LRRK1: variants seen among roughly 807,000 people sequenced by gnomAD.
LRRK1 encodes leucine-rich repeat serine/threonine-protein kinase 1.
Under a neutral mutation model 209.1 loss-of-function variants are expected in LRRK1, and 113 were observed. The observed-to-expected ratio is 0.54, with a 90% confidence interval of 0.46 to 0.63. The LOEUF (loss-of-function observed/expected upper bound fraction) is 0.63. Ranked by LOEUF, LRRK1 falls within the 30% of genes least tolerant of loss-of-function variation. LRRK1 has a pLI of 0.00. For missense variants in LRRK1, 2,284 were observed against 2,632.2 expected (o/e 0.87, Z 2.89); for synonymous variants, 1,144 against 1,099.7 (o/e 1.04, Z -0.80).
chr15:100,988,724 C>T lies in LRRK1; in HGVS notation c.524C>T (p.Thr175Met), dbSNP rs202112893. The stretch of plus-strand genomic sequence containing the variant: ...GGGGTTGTGAAGCTCCTGGTCCTGA[C>T]GCACGGGGCTGACCCGGAGAGCTAC... ...HLGVVKLLVLTHGADPESYAV... is the reference protein window; with the variant it reads ...HLGVVKLLVLMHGADPESYAV... The change falls in exon 5 of 34, where the codon ACG (threonine) becomes ATG (methionine). Residue 175 changes from threonine to methionine, a missense_variant. This residue lies in a region of LRRK1 where 134 missense variants were observed against 191.7 expected (regional missense o/e 0.70). Transcript: ENST00000388948. The T allele has an allele frequency of 9.7e-5, 157 of 1,614,164 alleles. 1 individual carries two copies. Among genetic ancestry groups the T allele is most frequent in the Middle Eastern group, 3.3e-4 (2 of 6,060 alleles).
rs1555479973 is a variant in LRRK1 at position 101,058,617 on chromosome 15, CG to C, written c.4679+485del. On this transcript the variant is annotated intron_variant, in intron 29 of 33. Transcript: ENST00000388948. ...CTGCCCCAGATTGCAGAAGGGGCAACGGGGGGGGGCGTCTAAACAGAGTTGG... is the reference window on the plus strand; with the variant it reads ...CTGCCCCAGATTGCAGAAGGGGCAACGGGGGGGGCGTCTAAACAGAGTTGG... Among the ~76,000 whole-genome samples, 504 of 75,340 alleles carry C rather than the reference CG, an allele frequency of 6.7e-3. 109 individuals are homozygous for C. Among genetic ancestry groups the C allele is most frequent in the Middle Eastern group, 0.045 (5 of 110 alleles). The allele number at this position is 75,340 out of a possible 152,430, so 49.4% of individuals were successfully genotyped here.
At chr15:101,042,690 A>C (rs1273491637) in intron 20 of LRRK1, among the ~76,000 whole-genome samples, 1 of 152,122 alleles carries the variant, frequency 6.6e-6, no homozygotes, top group Non-Finnish European at 1.5e-5. Context: ...GGCAGGGGAG[A>C]GGGAGTGAGG....
At chr15:100,956,455 C>CTTTTCTTTTT (rs2042760510) in intron 2 of LRRK1, among the ~76,000 whole-genome samples, 1 of 60,534 alleles carries the variant, frequency 1.7e-5, no homozygotes, top group Non-Finnish European at 2.9e-5. Flanking sequence ...TTTTTTTTTT[C>CTTTTCTTTTT]TTTTTTTTTT....
intron 2 of LRRK1, among the ~76,000 whole-genome samples, chr15:100,934,395 G>A (rs2042258636): frequency 6.6e-6 from 1 of 152,024 alleles, no homozygotes; most frequent in African/African-American, 2.4e-5. Context: ...CCATTCTTAG[G>A]CATCCACTTG....
Position 101,054,597 on chromosome 15 carries a change from A to G in LRRK1, c.4055-349A>G, listed in dbSNP as rs551907276. On this transcript the variant is annotated intron_variant, in intron 26 of 33. Coordinates refer to ENST00000388948, the MANE Select transcript of LRRK1 (RefSeq NM_024652.6). Reference sequence around the variant, plus strand: ...CCAGGCGGGCAGGTCGCTTAAAGCCAGGAATTCAAGACCAGCCTGGCCAAC... The same window carrying G: ...CCAGGCGGGCAGGTCGCTTAAAGCCGGGAATTCAAGACCAGCCTGGCCAAC... Among the ~76,000 whole-genome samples the G allele has an allele frequency of 7.9e-5, 12 of 152,332 alleles. No individual in the cohort carries two copies. In the South Asian group the frequency reaches 2.5e-3, roughly 32 times the overall value.
In LRRK1 at chr15:101,065,737, C is replaced by T. The variant is rs1357947247; in HGVS notation, c.5300C>T (p.Thr1767Ile). The change falls in exon 32 of 34, where the codon ACC (threonine) becomes ATC (isoleucine). Residue 1767 changes from threonine to isoleucine, a missense_variant. Coordinates refer to ENST00000388948, the MANE Select transcript of LRRK1 (RefSeq NM_024652.6). ...AACTCCTTGGTGATGTACCACTCCA[C>T]CACCTACCAGCTGTGTGCCCGGTAC... ...KANSLVMYHS[T>I]TYQLCARYFC... is the part of the protein sequence containing the mutation. The T allele has an allele frequency of 3.7e-6, 6 of 1,614,074 alleles. 1 individual carries two copies. In the South Asian group the frequency reaches 5.5e-5, roughly 15 times the overall value.
intron 12 of LRRK1, among the ~76,000 whole-genome samples, chr15:101,016,134 CAT>C (rs1555468827): frequency 3.9e-5 from 6 of 151,968 alleles, no homozygotes; most frequent in Non-Finnish European, 7.4e-5. Context: ...GGATTACAGG[CAT>C]GTGCCACCAT....
intron 27 of LRRK1, 114 bp downstream of exon 27, chr15:101,055,337 A>G (rs1227568210): frequency 9.7e-7 from 1 of 1,033,306 alleles, no homozygotes; most frequent in East Asian, 3.0e-5. Context: ...CCAAAAGCAC[A>G]TTTTTCTCAC....
At chr15:100,959,200 A>G (rs2042823059) in intron 2 of LRRK1, among the ~76,000 whole-genome samples, 1 of 152,160 alleles carries the variant, frequency 6.6e-6, no homozygotes, top group Non-Finnish European at 1.5e-5. Context: ...TAGATGGGCA[A>G]AATTATAGAC....
At chr15:100,956,404 G>A (rs568500547) in intron 2 of LRRK1, among the ~76,000 whole-genome samples, 172 of 35,086 alleles carry the variant, frequency 4.9e-3, no homozygotes, top group African/African-American at 0.019. Context: ...CTAACGATTT[G>A]TCAATTAAAA....
intron 29 of LRRK1, among the ~76,000 whole-genome samples, chr15:101,058,551 G>T (rs2035949128): frequency 6.9e-6 from 1 of 144,514 alleles, no homozygotes; most frequent in Admixed American, 7.2e-5. Flanking sequence ...ACGAAATGAG[G>T]CCTGTCGGCC....
At chr15:101,068,055 G>C (rs1181228211) in intron 33 of LRRK1, among the ~76,000 whole-genome samples, 2 of 152,204 alleles carry the variant, frequency 1.3e-5, no homozygotes, top group Non-Finnish European at 2.9e-5. Flanking sequence ...AGGGAGGAAA[G>C]GCAATTAGTA....
At chr15:101,047,229 T>G (rs1178628877) in intron 21 of LRRK1, among the ~76,000 whole-genome samples, 1 of 152,254 alleles carries the variant, frequency 6.6e-6, no homozygotes, top group Non-Finnish European at 1.5e-5. Context: ...CTTCCCATTT[T>G]TACCGAAATG....
At position 101,045,980 on chromosome 15, in the gene LRRK1, G is replaced by T; in HGVS notation, c.2964-1G>T. 6.2e-7 allele frequency: 1 copy of T among 1,614,038 alleles called. No individual in the cohort carries two copies. Among genetic ancestry groups the T allele is most frequent in the Non-Finnish European group, 8.5e-7 (1 of 1,179,938 alleles). ...CACCAGTCCCCCTTGGTGTGTTTCA[G>T]CTACCTCCTGCCCCATCTCCTTCCA... is the stretch of plus-strand genomic sequence containing the variant. On this transcript the variant is annotated splice_acceptor_variant, in intron 20 of 33. Transcript: ENST00000388948. LOFTEE classifies it high-confidence loss of function.
intron 3 of LRRK1, 146 bp downstream of exon 3, chr15:100,974,113 T>A (rs934465282): frequency 9.3e-6 from 6 of 643,964 alleles, no homozygotes; most frequent in Non-Finnish European, 1.3e-5. Context: ...TATAAACTTG[T>A]GGGCGCCTTT....
At chr15:100,945,811 C>G (rs1032224494) in intron 2 of LRRK1, among the ~76,000 whole-genome samples, 1 of 152,076 alleles carries the variant, frequency 6.6e-6, no homozygotes, top group African/African-American at 2.4e-5. Flanking sequence ...CTTTATTAAT[C>G]AATTTTTGAG....
At chr15:101,031,135 A>G (rs2034262300) in intron 20 of LRRK1, among the ~76,000 whole-genome samples, 1 of 152,224 alleles carries the variant, frequency 6.6e-6, no homozygotes, top group African/African-American at 2.4e-5. Flanking sequence ...AAGTTTACTT[A>G]CAGTGAAATG....
intron 2 of LRRK1, among the ~76,000 whole-genome samples, chr15:100,959,223 A>G (rs1316624391): frequency 6.6e-6 from 1 of 152,134 alleles, no homozygotes; most frequent in Non-Finnish European, 1.5e-5. Flanking sequence ...CCCCCTTACT[A>G]ATATGCAGAG....
chr15:101,027,402 GT>G lies in LRRK1; in HGVS notation c.2526+24del, dbSNP rs1567244126. Reference sequence around the variant, plus strand: ...GGCTGGTGGGTACCTTGCTGGTCCAGTTTAAACCAGTCTGCCTGCTTCCCAT... The same window carrying G: ...GGCTGGTGGGTACCTTGCTGGTCCAGTTAAACCAGTCTGCCTGCTTCCCAT... On this transcript the variant is annotated intron_variant, in intron 18 of 33. Coordinates refer to ENST00000388948, the MANE Select transcript of LRRK1 (RefSeq NM_024652.6). The surrounding 1 kb of genome is among the most constrained non-coding windows in gnomAD (Gnocchi z 5.1). The G allele has an allele frequency of 2.5e-6, 4 of 1,609,018 alleles. No homozygotes were observed. Among genetic ancestry groups the G allele is most frequent in the Admixed American group, 1.7e-5 (1 of 59,712 alleles).
Sources: allele counts gnomAD v4.1 joint callset (sites outside exome capture counted in the v4.1 genomes callset), GRCh38; gene constraint gnomAD v4.1.1; regional missense constraint gnomAD v4.1.1; non-coding constraint Gnocchi (gnomAD v3.1); transcripts MANE v1.5; gene names NCBI Gene and HGNC (gene_info 2026-07-23, HGNC 2026-07-21).